The following MYO3A variants were observed in gnomAD, a reference collection of about 807,000 sequenced individuals.
The protein encoded by MYO3A is myosin-IIIa.
In MYO3A, 180 loss-of-function variants were observed where a neutral mutation model predicts 192.7. The ratio of observed to expected loss-of-function variants is 0.93; its 90% CI spans 0.83 to 1.06. The LOEUF (loss-of-function observed/expected upper bound fraction) is 1.06. Among genes scored for constraint, MYO3A ranks in the 50% least tolerant of loss-of-function variants. MYO3A has a pLI of 0.00. For missense variants in MYO3A, 1,896 were observed against 1,905.0 expected, an observed-to-expected ratio of 1.00 and a Z score of 0.09; for synonymous variants, 628 against 645.3, an observed-to-expected ratio of 0.97 and a Z score of 0.41.
intron 4 of MYO3A, among the ~76,000 whole-genome samples, chr10:25,959,491 C>T (rs1463577674): frequency 1.3e-5 from 2 of 152,092 alleles, no homozygotes; most frequent in East Asian, 3.9e-4. Context: ...TTCTACACTG[C>T]CTCATTTAGT....
chr10:26,006,578 T>C (rs1303869809), intron 6 of MYO3A, among the ~76,000 whole-genome samples: 1 of 152,132 alleles, frequency 6.6e-6, no homozygotes, highest in Non-Finnish European at 1.5e-5. Flanking sequence ...AAATACAAAC[T>C]ACCATCAGAG....
intron 15 of MYO3A, among the ~76,000 whole-genome samples, chr10:26,095,436 A>T (rs1433919141): frequency 6.6e-6 from 1 of 152,158 alleles, no homozygotes; most frequent in African/African-American, 2.4e-5. Context: ...TGCCACAGAG[A>T]GATGCAAACC....
At chr10:25,949,099 C>A (rs1396304741) in intron 2 of MYO3A, among the ~76,000 whole-genome samples, 2 of 152,004 alleles carry the variant, frequency 1.3e-5, no homozygotes, top group Non-Finnish European at 2.9e-5. Flanking sequence ...TTCACCTGGG[C>A]TATTACAGCA....
In MYO3A at chr10:26,196,663, A is replaced by G. The variant is rs183895013; in HGVS notation, c.4545+3352A>G. Among the ~76,000 whole-genome samples the G allele has an allele frequency of 2.6e-5, 4 of 152,352 alleles. No homozygotes were observed. In the East Asian group the frequency reaches 7.7e-4, roughly 29 times the overall value. On this transcript the variant is annotated intron_variant, in intron 32 of 34. Coordinates refer to ENST00000642920, the MANE Select transcript of MYO3A (RefSeq NM_017433.5). ...GAGGCCCCAGTCCCTTTAACCACCA[A>G]ACACTTTCTGTAATTTTAAATGGTT...
intron 2 of MYO3A, among the ~76,000 whole-genome samples, chr10:25,936,707 T>C (rs1050919445): frequency 5.3e-5 from 8 of 152,208 alleles, no homozygotes; most frequent in Non-Finnish European, 1.0e-4. Flanking sequence ...TCATCTATCA[T>C]TGGACACGTA....
intron 32 of MYO3A, among the ~76,000 whole-genome samples, chr10:26,197,515 C>A (rs995741372): frequency 3.9e-5 from 6 of 152,126 alleles, no homozygotes; most frequent in Non-Finnish European, 5.9e-5. Context: ...TCTTGTATGT[C>A]CCTGGCCTGC....
intron 7 of MYO3A, among the ~76,000 whole-genome samples, chr10:26,021,292 A>C (rs1319921666): frequency 6.6e-6 from 1 of 152,180 alleles, no homozygotes; most frequent in East Asian, 1.9e-4. Context: ...TTATATTTTA[A>C]ACCTCCTAAG....
chr10:26,153,430 A>G (rs940388542), intron 23 of MYO3A, among the ~76,000 whole-genome samples: 19 of 152,308 alleles, frequency 1.2e-4, no homozygotes, highest in African/African-American at 4.3e-4. Flanking sequence ...CTCCAACCAT[A>G]GTTGATTTGC....
At chr10:26,197,287 G>A (rs1843456777) in intron 32 of MYO3A, among the ~76,000 whole-genome samples, 2 of 150,800 alleles carry the variant, frequency 1.3e-5, no homozygotes, top group Non-Finnish European at 1.5e-5. Flanking sequence ...AATGAGTGCA[G>A]TGTTGTGGTG....
chr10:26,015,792 G>T (rs1841952562), intron 6 of MYO3A, among the ~76,000 whole-genome samples: 1 of 152,136 alleles, frequency 6.6e-6, no homozygotes, highest in Admixed American at 6.6e-5. Flanking sequence ...TTCCAATACT[G>T]AAACACCCAT....
At chr10:26,079,718 T>G (rs1835803798) in intron 14 of MYO3A, among the ~76,000 whole-genome samples, 3 of 152,344 alleles carry the variant, frequency 2.0e-5, no homozygotes, top group African/African-American at 7.2e-5. Context: ...GGCTTGGTAA[T>G]GGTGAATTCT....
chr10:26,186,449 G>A (rs527818662), intron 31 of MYO3A, among the ~76,000 whole-genome samples: 22 of 152,028 alleles, frequency 1.4e-4, no homozygotes, highest in Admixed American at 4.6e-4. Context: ...TGTATTTTTA[G>A]TAGAGATGGT....
intron 17 of MYO3A, among the ~76,000 whole-genome samples, chr10:26,099,024 T>C (rs1235614110): frequency 6.6e-6 from 1 of 152,236 alleles, no homozygotes; most frequent in African/African-American, 2.4e-5. Flanking sequence ...TTTCATGATA[T>C]TGATTCTTCC....
chr10:26,147,347 C>CTGT, intron 22 of MYO3A, 83 bp from the exon 23 acceptor site: 1 of 1,358,572 alleles, frequency 7.4e-7, no homozygotes, highest in South Asian at 1.2e-5. Context: ...TAATGAGTAT[C>CTGT]TGTTGTTGAT....
At chr10:25,981,068 A>G (rs1486497748) in intron 4 of MYO3A, among the ~76,000 whole-genome samples, 2 of 152,112 alleles carry the variant, frequency 1.3e-5, no homozygotes, top group Non-Finnish European at 2.9e-5. Flanking sequence ...TGCCTTTTCC[A>G]GAGTGTTATA....
At chr10:26,093,942 C>G (rs1836854718) in intron 15 of MYO3A, among the ~76,000 whole-genome samples, 1 of 152,196 alleles carries the variant, frequency 6.6e-6, no homozygotes, top group Non-Finnish European at 1.5e-5. Flanking sequence ...CCCCGACTCT[C>G]TCTTCACTCA....
chr10:26,116,292 T>C (rs1838500239), intron 17 of MYO3A, among the ~76,000 whole-genome samples: 1 of 152,154 alleles, frequency 6.6e-6, no homozygotes, highest in African/African-American at 2.4e-5. Flanking sequence ...GGTTCCCCAG[T>C]AATGATTGGT....
chr10:26,020,885 A>G (rs181588548), intron 7 of MYO3A, among the ~76,000 whole-genome samples: 1 of 152,340 alleles, frequency 6.6e-6, no homozygotes, highest in African/African-American at 2.4e-5. Context: ...AACTGGTTGC[A>G]GTTTTACAAT....
intron 21 of MYO3A, 29 bp from the exon 22 acceptor site, chr10:26,145,417 T>G: frequency 2.0e-5 from 28 of 1,424,602 alleles, no homozygotes; most frequent in Non-Finnish European, 2.7e-5. Context: ...CATACATGCT[T>G]GATATTTGAG....
Sources: gnomAD v4.1 joint callset for allele counts (sites outside exome capture counted in the v4.1 genomes callset) on GRCh38, gnomAD v4.1.1 for gene constraint, MANE v1.5 for transcripts, NCBI Gene and HGNC (gene_info 2026-07-23, HGNC 2026-07-21) for gene names.